ACOT11: variants seen among roughly 807,000 people sequenced by gnomAD.
The protein encoded by ACOT11 is acyl-CoA thioesterase 11.
Under a neutral mutation model 77.5 loss-of-function variants are expected in ACOT11, and 69 were observed. That is an observed-to-expected ratio of 0.89 (90% confidence interval 0.73 to 1.09). The LOEUF (loss-of-function observed/expected upper bound fraction) is 1.09. Among genes scored for constraint, ACOT11 ranks in the 50% least tolerant of loss-of-function variants. The pLI, the probability that ACOT11 is intolerant of heterozygous loss-of-function variation, is 0.00. For missense variants in ACOT11, 766 were observed against 813.7 expected (o/e 0.94, Z 0.71); for synonymous variants, 279 against 313.0 (o/e 0.89, Z 1.15).
At chr1:54,553,738 C>T (rs1268464119) in intron 1 of ACOT11, among the ~76,000 whole-genome samples, 1 of 151,704 alleles carries the variant, frequency 6.6e-6, no homozygotes. Context: ...CATCCTCTGA[C>T]TAAGATCTCT....
rs750919691 is a variant in ACOT11, at chr1:54,567,612, C to G, written c.34-17043C>G. Among the ~76,000 whole-genome samples, 11 of 152,038 alleles carry G rather than the reference C, an allele frequency of 7.2e-5. 1 individual carries two copies. The highest frequency in any genetic ancestry group is 4.1e-4 in the South Asian group (2 of 4,822). ...CTAATTTTTATCCTGCCTACCACCTCCCATCATCTCCACGACCAAGTCCCC... is the reference window on the plus strand; with the variant it reads ...CTAATTTTTATCCTGCCTACCACCTGCCATCATCTCCACGACCAAGTCCCC... On this transcript the variant is annotated intron_variant, in intron 1 of 15. Coordinates refer to ENST00000343744, the MANE Select transcript of ACOT11 (RefSeq NM_147161.4).
Position 54,585,913 on chromosome 1 carries a change from C to T in ACOT11, c.311+9C>T. 6.2e-7 allele frequency: 1 copy of T among 1,613,786 alleles called. No individual in the cohort carries two copies. The highest frequency in any genetic ancestry group is 8.5e-7 in the Non-Finnish European group (1 of 1,179,824). ...TTTGAGCACACCATTAGGTAAGTGG[C>T]CCCTCCTGCCTCAAGGTCCTCTGGG... On this transcript the variant is annotated intron_variant, in intron 3 of 15. Coordinates refer to ENST00000343744, the MANE Select transcript of ACOT11 (RefSeq NM_147161.4).
intron 1 of ACOT11, among the ~76,000 whole-genome samples, chr1:54,551,040 C>T (rs565216672): frequency 1.8e-4 from 27 of 149,084 alleles, no homozygotes; most frequent in African/African-American, 6.2e-4. Context: ...CTCGGGATGC[C>T]GAGGCAGGAG....
rs1184014607 is a variant in ACOT11, at chr1:54,594,078, G to C, written c.471+39G>C. On this transcript the variant is annotated intron_variant, in intron 5 of 15. Coordinates refer to ENST00000343744, the MANE Select transcript of ACOT11 (RefSeq NM_147161.4). Reference sequence around the variant, plus strand: ...CCTGGCTGCTGGAACGCTGCTCAGTGACCTGGGCACCTGCCATGGCGAGTC... The same window carrying C: ...CCTGGCTGCTGGAACGCTGCTCAGTCACCTGGGCACCTGCCATGGCGAGTC... The C allele has an allele frequency of 1.9e-6, 3 of 1,570,764 alleles. No homozygotes were observed. In the South Asian group the frequency reaches 3.3e-5, roughly 18 times the overall value.
chr1:54,612,431 T>C (rs1166804547), downstream of ACOT11: 2 of 1,316,290 alleles, frequency 1.5e-6, no homozygotes, highest in Non-Finnish European at 2.2e-6. Context: ...TTCTGGGATC[T>C]TGCTGGGGGC....
At chr1:54,632,225 C>T (rs1644303504) in intron 16 of ACOT11, among the ~76,000 whole-genome samples, 1 of 152,192 alleles carries the variant, frequency 6.6e-6, no homozygotes, top group African/African-American at 2.4e-5. Context: ...AGGGGCCCGT[C>T]CCGGGCCCCG....
Position 54,605,162 on chromosome 1 carries a change from G to T in ACOT11, c.1323G>T (p.Leu441=). Residue 441 remains leucine (L), a synonymous_variant, in exon 13 of 16, where the codon CTG becomes CTT. Coordinates refer to ENST00000343744, the MANE Select transcript of ACOT11 (RefSeq NM_147161.4). ...VVHVDAAQAF[L]LLSDLRQRPE... is the part of the protein sequence containing the mutation. ...ATGTGGATGCAGCCCAGGCCTTCCT[G>T]CTGCTCTCGGACCTGCGTCAGAGGC... is the stretch of plus-strand genomic sequence containing the variant. 1 of 1,613,890 alleles carries T rather than the reference G, an allele frequency of 6.2e-7. No homozygotes were observed. The highest frequency in any genetic ancestry group is 8.5e-7 in the Non-Finnish European group (1 of 1,180,030).
At position 54,603,906 on chromosome 1, in the gene ACOT11, C is replaced by T. The variant is rs1200895881; in HGVS notation, c.1121C>T (p.Pro374Leu). The T allele has an allele frequency of 1.2e-6, 2 of 1,614,102 alleles. No individual in the cohort carries two copies. Among genetic ancestry groups the T allele is most frequent in the South Asian group, 2.2e-5 (2 of 91,072 alleles). The change falls in exon 11 of 16, where the codon CCC becomes CTC. Residue 374 changes from proline to leucine, a missense_variant. Transcript: ENST00000343744. ...GTGTCCTGTAAGCAGACAGAGGTGC[C>T]CCTCTCCGTCCCCTGGGACCCTAGC... is the stretch of plus-strand genomic sequence containing the variant. ...YIVSCKQTEV[P>L]LSVPWDPSNQ...
At chr1:54,593,872 G>T in intron 4 of ACOT11, 69 bp from the exon 5 acceptor site, 1 of 1,334,426 alleles carries the variant, frequency 7.5e-7, no homozygotes, top group Non-Finnish European at 1.1e-6. Context: ...GTCTGGTGGA[G>T]CTGCGGGGCT....
chr1:54,580,827 A>T (rs1045852069), intron 1 of ACOT11, among the ~76,000 whole-genome samples: 14 of 152,222 alleles, frequency 9.2e-5, no homozygotes, highest in Non-Finnish European at 2.9e-5. Context: ...GGGAAGAGAG[A>T]TGCAGGATGA....
At chr1:54,601,830 A>G (rs889178793) in intron 9 of ACOT11, among the ~76,000 whole-genome samples, 8 of 152,246 alleles carry the variant, frequency 5.3e-5, no homozygotes, top group African/African-American at 1.9e-4. Context: ...CGATAGATGC[A>G]GTACTGACTC....
chr1:54,593,458 G>GTT (rs35252763), intron 4 of ACOT11, among the ~76,000 whole-genome samples: 65 of 96,326 alleles, frequency 6.7e-4, no homozygotes, highest in East Asian at 1.7e-3. Flanking sequence ...TGTGTGTGTG[G>GTT]TTTTTTTTTT....
At chr1:54,634,850 C>T (rs931164612) in exon 17 of ACOT11, 18 of 604,472 alleles carry the variant, frequency 3.0e-5, no homozygotes, top group Middle Eastern at 2.8e-4. Flanking sequence ...CAACACCCGT[C>T]GAACACAGCC....
intron 15 of ACOT11, among the ~76,000 whole-genome samples, chr1:54,619,304 A>G (rs932574974): frequency 2.0e-5 from 3 of 152,218 alleles, no homozygotes; most frequent in Non-Finnish European, 4.4e-5. Flanking sequence ...GTCAAGCGTC[A>G]CGCAGTGGCT....
chr1:54,634,025 C>T (rs1263816808), intron 16 of ACOT11, among the ~76,000 whole-genome samples: 1 of 151,456 alleles, frequency 6.6e-6, no homozygotes, highest in Non-Finnish European at 1.5e-5. Context: ...TTCACAGACT[C>T]CAACTCCTTA....
At chr1:54,590,748 A>G (rs1448475796) in intron 3 of ACOT11, among the ~76,000 whole-genome samples, 1 of 152,068 alleles carries the variant, frequency 6.6e-6, no homozygotes, top group Non-Finnish European at 1.5e-5. Flanking sequence ...AAATAAATAA[A>G]TACATATACT....
At chr1:54,602,563 T>C in intron 9 of ACOT11, 106 bp from the exon 10 acceptor site, 1 of 1,131,320 alleles carries the variant, frequency 8.8e-7, no homozygotes. Flanking sequence ...CAGCGACACC[T>C]GAACTCCACG....
chr1:54,558,284 G>T (rs1241518809), intron 1 of ACOT11, among the ~76,000 whole-genome samples: 2 of 152,220 alleles, frequency 1.3e-5, no homozygotes, highest in African/African-American at 4.8e-5. Flanking sequence ...GCTATGAATA[G>T]TAGTAATAAC....
intron 9 of ACOT11, 94 bp downstream of exon 9, chr1:54,601,507 G>C: frequency 5.3e-6 from 8 of 1,523,064 alleles, no homozygotes; most frequent in Non-Finnish European, 7.0e-6. Flanking sequence ...TACAGACCTA[G>C]AGGCGTGAGG....
Sources: gnomAD v4.1 joint callset for allele counts (sites outside exome capture counted in the v4.1 genomes callset) on GRCh38, gnomAD v4.1.1 for gene constraint, MANE v1.5 for transcripts, NCBI Gene and HGNC (gene_info 2026-07-23, HGNC 2026-07-21) for gene names.